Variants in AZIN2 observed in about 807,000 individuals in gnomAD.
The protein encoded by AZIN2 is ODC antizyme inhibitor-2.
A neutral mutation model predicts 47.8 loss-of-function variants in AZIN2; 28 were observed. That is an observed-to-expected ratio of 0.59 (90% CI 0.43 to 0.80). The LOEUF (loss-of-function observed/expected upper bound fraction) is 0.80. AZIN2 is among the 30% of genes least tolerant of loss of function. AZIN2 has a pLI of 0.00. For synonymous variants in AZIN2, 221 were observed against 239.4 expected, an observed-to-expected ratio of 0.92 and a Z score of 0.71; for missense variants, 535 against 582.5, an observed-to-expected ratio of 0.92 and a Z score of 0.84.
At chr1:33,132,266 G>T in the AZIN2 span, among the ~76,000 whole-genome samples, 1 of 152,296 alleles carries the variant, frequency 6.6e-6, no homozygotes, top group Admixed American at 6.5e-5. Flanking sequence ...CTAGGGGTCA[G>T]CAAACCTTTT....
In AZIN2 at chr1:33,120,339, G is replaced by T. The variant is rs1644765748; in HGVS notation, c.*157G>T. The T allele has an allele frequency of 1.0e-6, 1 of 990,692 alleles. No individual in the cohort carries two copies. The highest frequency in any genetic ancestry group is 3.0e-4 in the Middle Eastern group (1 of 3,340). 61.4% of individuals were successfully genotyped at this position (990,692 alleles called of 1,614,324 possible). A position where few individuals can be genotyped will look rare whatever the true frequency, so the allele number is the denominator to read the frequency against. On this transcript the variant is annotated 3_prime_UTR_variant, in exon 12 of 12. Coordinates refer to ENST00000294517, the MANE Select transcript of AZIN2 (RefSeq NM_052998.4). ...TGCAGTGTTTCTGCCCTGTAAATAG[G>T]ACCAGTCTTACACTCGCTGTAGTTC...
intron 5 of AZIN2, among the ~76,000 whole-genome samples, chr1:33,085,621 G>T (rs150865302): frequency 6.6e-6 from 1 of 152,306 alleles, no homozygotes; most frequent in African/African-American, 2.4e-5. Flanking sequence ...AGGATGACAG[G>T]GCTGGAGCGA....
At chr1:33,163,087 G>A in the AZIN2 span, 1 of 151,920 alleles carries the variant, frequency 6.6e-6, no homozygotes, top group Non-Finnish European at 1.5e-5. Flanking sequence ...TGCCCAGGCT[G>A]GGGTGCAGTG....
At chr1:33,143,451 A>G in the AZIN2 span, among the ~76,000 whole-genome samples, 1 of 152,288 alleles carries the variant, frequency 6.6e-6, no homozygotes, top group East Asian at 1.9e-4. Context: ...ATCTGAGAGG[A>G]TGGGGGAGGG....
rs1252349145 is a variant in AZIN2, at chr1:33,094,600, G to A, written c.640G>A (p.Ala214Thr). ...CCCTCAGGCCTATGCTCAGTCCATCGCAGACGCCCGGCTCGTGTTTGAAAT... is the reference window on the plus strand; with the variant it reads ...CCCTCAGGCCTATGCTCAGTCCATCACAGACGCCCGGCTCGTGTTTGAAAT... ...PDPQAYAQSI[A>T]DARLVFEMGT... The change falls in exon 8 of 12, where the codon GCA (alanine) becomes ACA (threonine). Residue 214 changes from alanine (A) to threonine (T), a missense_variant. Transcript: ENST00000294517. 8 of 1,614,020 alleles carry A rather than the reference G, an allele frequency of 5.0e-6. No homozygotes were observed. Among genetic ancestry groups the A allele is most frequent in the African/African-American group, 4.0e-5 (3 of 74,918 alleles).
At position 33,093,348 on chromosome 1, in the gene AZIN2, G is replaced by T. The variant is rs770346722; in HGVS notation, c.519G>T (p.Val173=). The change falls in exon 7 of 12, where the codon GTG becomes GTT. Residue 173 remains valine, a synonymous_variant. Coordinates refer to ENST00000294517, the MANE Select transcript of AZIN2 (RefSeq NM_052998.4). ...GCTGCCTGAGCCTAAAGTTTGGAGT[G>T]TCACTGAAATCCTGCAGACACCTGC... ...SLSCLSLKFG[V]SLKSCRHLLE... is the part of the protein sequence containing the mutation. 9 of 1,614,136 alleles carry T rather than the reference G, an allele frequency of 5.6e-6. No individual in the cohort carries two copies. Among genetic ancestry groups the T allele is most frequent in the Non-Finnish European group, 5.1e-6 (6 of 1,180,004 alleles).
chr1:33,122,159 G>C lies in AZIN2; in HGVS notation c.*1977G>C, dbSNP rs1173893505. Among the ~76,000 whole-genome samples, 2 of 152,198 alleles carry C rather than the reference G, an allele frequency of 1.3e-5. No homozygotes were observed. Among genetic ancestry groups the C allele is most frequent in the Non-Finnish European group, 2.9e-5 (2 of 68,032 alleles). ...AGCACTCATACTTCTTTTGCGGAGA[G>C]GGACATAGGTTTTCTGCTGGAACCA... On this transcript the variant is annotated 3_prime_UTR_variant, in exon 12 of 12. Transcript: ENST00000294517.
At position 33,082,273 on chromosome 1, in the gene AZIN2, G is replaced by A. The variant is rs1317831615; in HGVS notation, c.24G>A (p.Ser8=). 1.2e-6 allele frequency: 2 copies of A among 1,613,940 alleles called. No homozygotes were observed. The highest frequency in any genetic ancestry group is 1.3e-5 in the African/African-American group (1 of 74,928). ...GCATGGCTGGCTACCTGAGTGAATC[G>A]GACTTTGTGATGGTGGAGGAGGGCT... MAGYLSE[S]DFVMVEEGFS... The change falls in exon 4 of 12, where the codon TCG becomes TCA. Residue 8 remains serine (S), a synonymous_variant. Coordinates refer to ENST00000294517, the MANE Select transcript of AZIN2 (RefSeq NM_052998.4).
At chr1:33,090,734 T>A (rs1642446694) in intron 5 of AZIN2, among the ~76,000 whole-genome samples, 1 of 152,220 alleles carries the variant, frequency 6.6e-6, no homozygotes, top group South Asian at 2.1e-4. Context: ...CTTTAGCAAT[T>A]TCCAAGTGTA....
At chr1:33,143,799 C>G in the AZIN2 span, among the ~76,000 whole-genome samples, 1 of 152,236 alleles carries the variant, frequency 6.6e-6, no homozygotes, top group Admixed American at 6.5e-5. Context: ...TTGCACACTG[C>G]AGAGAGCACC....
rs1644770263 is a variant in AZIN2 at position 33,120,459 on chromosome 1, T to C, written c.*277T>C. The C allele has an allele frequency of 2.5e-6, 1 of 398,928 alleles. No individual in the cohort carries two copies. 24.7% of individuals were successfully genotyped at this position (398,928 alleles called of 1,614,324 possible). A position where few individuals can be genotyped will look rare whatever the true frequency, so the allele number is the denominator to read the frequency against. The stretch of plus-strand genomic sequence containing the variant: ...GCCAGGTGTGGGGGTGTTCTTGGGG[T>C]CTCCTTTGGTCTCCTTCCCACCTTT... On this transcript the variant is annotated 3_prime_UTR_variant, in exon 12 of 12. Coordinates refer to ENST00000294517, the MANE Select transcript of AZIN2 (RefSeq NM_052998.4).
chr1:33,083,577 A>G (rs1422800988), intron 4 of AZIN2: 1 of 331,652 alleles, frequency 3.0e-6, no homozygotes, highest in African/African-American at 2.1e-5. Flanking sequence ...GGAGCATTTA[A>G]AAGCAGAGTT....
the AZIN2 span, among the ~76,000 whole-genome samples, chr1:33,153,038 G>C: frequency 0.7 from 99,244 of 141,520 alleles, 35,329 homozygotes; most frequent in Non-Finnish European, 0.75. Flanking sequence ...GGGTGGGATA[G>C]AGGGGTGGGA....
At chr1:33,114,652 CTTT>C (rs35317929) in intron 10 of AZIN2, among the ~76,000 whole-genome samples, 2 of 79,864 alleles carry the variant, frequency 2.5e-5, no homozygotes, top group Admixed American at 2.7e-4. Context: ...CGCGACCCGC[CTTT>C]TTTTTTTTTT....
Position 33,083,634 on chromosome 1 carries a change from T to A in AZIN2, c.106-320T>A, listed in dbSNP as rs569576917. On this transcript the variant is annotated intron_variant, in intron 4 of 11. Transcript: ENST00000294517. ...TGGCATTTGAGTGAAACTTTAAGGA[T>A]TTTGCCAGACACAGGAGTGGGGAGG... 1.6e-4 allele frequency: 65 copies of A among 397,100 alleles called. No homozygotes were observed. In the East Asian group the frequency reaches 2.2e-3, roughly 13 times the overall value. 24.6% of individuals were successfully genotyped at this position (397,100 alleles called of 1,614,324 possible).
intron 5 of AZIN2, among the ~76,000 whole-genome samples, chr1:33,086,163 G>A (rs775065267): frequency 2.7e-4 from 41 of 152,150 alleles, no homozygotes; most frequent in Non-Finnish European, 4.6e-4. Flanking sequence ...ACTTTGCCAA[G>A]TGTTTTCTGT....
Position 33,098,149 on chromosome 1 carries a change from C to T in AZIN2, c.999C>T (p.Asp333=). ...VYGIFNSVLF[D]NICPTPILQK... ...GGATCTTCAACTCAGTCCTGTTTGA[C>T]AACATCTGCCCTACCCCCATCCTGC... The change falls in exon 10 of 12, where the codon GAC becomes GAT. Residue 333 remains aspartate (D), a synonymous_variant. Coordinates refer to ENST00000294517, the MANE Select transcript of AZIN2 (RefSeq NM_052998.4). The T allele has an allele frequency of 6.2e-7, 1 of 1,613,706 alleles. No individual in the cohort carries two copies. The highest frequency in any genetic ancestry group is 8.5e-7 in the Non-Finnish European group (1 of 1,179,820).
the AZIN2 span, chr1:33,147,223 T>C: frequency 2.5e-6 from 4 of 1,613,930 alleles, no homozygotes; most frequent in South Asian, 3.3e-5. The surrounding 1 kb of genome is among the most constrained non-coding windows in gnomAD (Gnocchi z 8.1). Context: ...GTTCTTGCCA[T>C]TGGCGTGGCT....
the AZIN2 span, among the ~76,000 whole-genome samples, chr1:33,131,526 G>A: frequency 1.3e-5 from 2 of 152,222 alleles, no homozygotes; most frequent in Admixed American, 1.3e-4. Flanking sequence ...CAAAGATGTA[G>A]TTCAAAAGAA....
Sources: allele counts gnomAD v4.1 joint callset (sites outside exome capture counted in the v4.1 genomes callset), GRCh38; gene constraint gnomAD v4.1.1; non-coding constraint Gnocchi (gnomAD v3.1); transcripts MANE v1.5; gene names NCBI Gene and HGNC (gene_info 2026-07-23, HGNC 2026-07-21).